The following SLC36A1 variants were observed in gnomAD, a reference collection of about 807,000 sequenced individuals.
SLC36A1 encodes solute carrier family 36 member 1.
SLC36A1 carries 30 observed loss-of-function variants against 47.5 expected under a neutral mutation model. The ratio of observed to expected loss-of-function variants is 0.63; its 90% CI spans 0.47 to 0.86. The LOEUF (loss-of-function observed/expected upper bound fraction) is 0.86. SLC36A1 is among the 40% of genes least tolerant of loss of function. The pLI is 0.00. For synonymous variants in SLC36A1, 255 were observed against 249.7 expected, an observed-to-expected ratio of 1.02 and a Z score of -0.20; for missense variants, 517 against 606.0, an observed-to-expected ratio of 0.85 and a Z score of 1.54.
chr5:151,418,553 A>G, the SLC36A1 span, among the ~76,000 whole-genome samples: 1 of 152,222 alleles, frequency 6.6e-6, no homozygotes, highest in Non-Finnish European at 1.5e-5. Context: ...TTGGGCTTGC[A>G]TGGAGCCTGT....
chr5:151,345,050 A>G, the SLC36A1 span, among the ~76,000 whole-genome samples: 1 of 152,154 alleles, frequency 6.6e-6, no homozygotes, highest in Non-Finnish European at 1.5e-5. Flanking sequence ...CCCTTCCTTT[A>G]AGACAAATGC....
the SLC36A1 span, among the ~76,000 whole-genome samples, chr5:151,533,393 AACACACACAC>A: frequency 8.1e-4 from 107 of 132,182 alleles, no homozygotes; most frequent in African/African-American, 2.4e-3. Flanking sequence ...TGTTATCTCC[AACACACACAC>A]ACACACACAC....
At chr5:151,544,215 G>A in the SLC36A1 span, 5 of 1,614,196 alleles carry the variant, frequency 3.1e-6, no homozygotes, top group Non-Finnish European at 2.5e-6. Flanking sequence ...AGACGTCACG[G>A]TTCCGCCCTG....
At chr5:151,473,193 GATA>G (rs1757561542) in intron 7 of SLC36A1, among the ~76,000 whole-genome samples, 1 of 149,904 alleles carries the variant, frequency 6.7e-6, no homozygotes. Context: ...TAGATAGATA[GATA>G]GATAGATAGA....
At chr5:151,467,579 T>C (rs1302460598) in intron 6 of SLC36A1, 128 bp from the exon 7 acceptor site, 7 of 763,772 alleles carry the variant, frequency 9.2e-6, no homozygotes, top group African/African-American at 1.7e-5. Flanking sequence ...GATGGCTCAC[T>C]GGCCACAGAT....
chr5:151,522,204 G>T, the SLC36A1 span: 2 of 755,186 alleles, frequency 2.6e-6, no homozygotes, highest in Non-Finnish European at 4.2e-6. Context: ...CTTGAGGGCT[G>T]GCTCAGCGCA....
At chr5:151,450,982 C>T (rs1753573240) in intron 1 of SLC36A1, 1 of 152,234 alleles carries the variant, frequency 6.6e-6, no homozygotes, top group African/African-American at 2.4e-5. Flanking sequence ...CCACCCAGGC[C>T]TTGGAAGAAT....
chr5:151,538,741 G>A, the SLC36A1 span, among the ~76,000 whole-genome samples: 19 of 152,072 alleles, frequency 1.2e-4, no homozygotes, highest in Non-Finnish European at 2.1e-4. Context: ...GCAGTGGCAC[G>A]ATCTTGGCTC....
chr5:151,539,818 A>AC, the SLC36A1 span, among the ~76,000 whole-genome samples: 1 of 152,210 alleles, frequency 6.6e-6, no homozygotes, highest in African/African-American at 2.4e-5. Context: ...ACCCCACTCA[A>AC]CATTTGTTCC....
chr5:151,553,492 C>T, the SLC36A1 span: 38 of 961,218 alleles, frequency 4.0e-5, 1 homozygote. Flanking sequence ...ACCAAGCAGG[C>T]CTCTCATCCA....
At chr5:151,453,552 A>T (rs868321831) in intron 1 of SLC36A1, among the ~76,000 whole-genome samples, 8 of 152,226 alleles carry the variant, frequency 5.3e-5, no homozygotes, top group Middle Eastern at 3.4e-3. Context: ...CTTTATTTTG[A>T]ACAAACCCAG....
rs762806954 is a variant in SLC36A1, at chr5:151,467,191, A to C, written c.420-8A>C. 6.3e-7 allele frequency: 1 copy of C among 1,596,972 alleles called. No homozygotes were observed. ...CAGTCTTTGTATTCCTTCCTTCCCCACCTCCAGACGTGTTGTGGACTTCTT... is the reference window on the plus strand; with the variant it reads ...CAGTCTTTGTATTCCTTCCTTCCCCCCCTCCAGACGTGTTGTGGACTTCTT... On this transcript the variant is annotated splice_polypyrimidine_tract_variant and splice_region_variant and intron_variant, in intron 5 of 10. Coordinates refer to ENST00000243389, the MANE Select transcript of SLC36A1 (RefSeq NM_078483.4).
chr5:151,367,722 G>A, the SLC36A1 span, among the ~76,000 whole-genome samples: 1 of 152,140 alleles, frequency 6.6e-6, no homozygotes, highest in Non-Finnish European at 1.5e-5. Flanking sequence ...AATTATAAAA[G>A]TATTATTTGA....
At chr5:151,410,980 G>A in the SLC36A1 span, among the ~76,000 whole-genome samples, 27 of 144,792 alleles carry the variant, frequency 1.9e-4, 2 homozygotes, top group African/African-American at 6.3e-4. Flanking sequence ...TTCCAATTAA[G>A]AACCACTGGT....
chr5:151,427,669 C>T, the SLC36A1 span, among the ~76,000 whole-genome samples: 9 of 152,262 alleles, frequency 5.9e-5, no homozygotes, highest in East Asian at 1.9e-4. Context: ...CTGCCCCTCT[C>T]GGAAGTGCTG....
the SLC36A1 span, among the ~76,000 whole-genome samples, chr5:151,345,449 T>C: frequency 1.3e-5 from 2 of 152,200 alleles, no homozygotes; most frequent in Non-Finnish European, 2.9e-5. Context: ...TTTAAAAGAA[T>C]CTATGGGCAG....
chr5:151,537,113 C>G, the SLC36A1 span, among the ~76,000 whole-genome samples: 1 of 151,242 alleles, frequency 6.6e-6, no homozygotes, highest in African/African-American at 2.4e-5. Context: ...GTTCTGCTGT[C>G]AAATATTCCC....
chr5:151,531,532 C>T, the SLC36A1 span: 5 of 1,599,370 alleles, frequency 3.1e-6, no homozygotes, highest in Admixed American at 1.7e-5. The surrounding 1 kb of genome is among the most constrained non-coding windows in gnomAD (Gnocchi z 5.7). Flanking sequence ...AGGAACCCAG[C>T]GCTCCCAGAA....
the SLC36A1 span, among the ~76,000 whole-genome samples, chr5:151,360,211 T>C: frequency 1.3e-5 from 2 of 152,298 alleles, no homozygotes; most frequent in Admixed American, 1.3e-4. Flanking sequence ...GAGTTGAAAA[T>C]CCATGTATAG....
Sources: allele counts gnomAD v4.1 joint callset (sites outside exome capture counted in the v4.1 genomes callset), GRCh38; gene constraint gnomAD v4.1.1; non-coding constraint Gnocchi (gnomAD v3.1); transcripts MANE v1.5; gene names NCBI Gene and HGNC (gene_info 2026-07-23, HGNC 2026-07-21).